B3GALNT1: variants seen among roughly 807,000 people sequenced by gnomAD.
B3GALNT1 encodes UDP-GalNAc:beta-1,3-N-acetylgalactosaminyltransferase 1.
B3GALNT1 carries 17 observed loss-of-function variants against 27.3 expected under a neutral mutation model. The observed-to-expected ratio is 0.62, with a 90% CI of 0.43 to 0.94. The LOEUF is 0.94. Among genes scored for constraint, B3GALNT1 ranks in the 40% least tolerant of loss-of-function variants. The probability of loss-of-function intolerance (pLI) is 0.00; values close to 1 mark genes in which losing one functional copy is unlikely to be tolerated. For missense variants in B3GALNT1, 347 were observed against 390.0 expected, an observed-to-expected ratio of 0.89 and a Z score of 0.93; for synonymous variants, 141 against 144.0, an observed-to-expected ratio of 0.98 and a Z score of 0.15.
Position 161,104,359 on chromosome 3 carries a change from C to T in B3GALNT1, c.-261G>A, listed in dbSNP as rs1477936584. 12 of 1,289,674 alleles carry T rather than the reference C, an allele frequency of 9.3e-6. No homozygotes were observed. Among genetic ancestry groups the T allele is most frequent in the Non-Finnish European group, 1.2e-5 (12 of 988,840 alleles). The allele number at this position is 1,289,674 out of a possible 1,614,324, so 79.9% of individuals were successfully genotyped here. A position where few individuals can be genotyped will look rare whatever the true frequency, so the allele number is the denominator to read the frequency against. ...AAAAGACATGGTTTGGCAATTTCTT[C>T]CTTGATAGCTTTTCCCACAACGCAG... On this transcript the variant is annotated 5_prime_UTR_variant, in exon 2 of 5. Transcript: ENST00000320474.
intron 4 of B3GALNT1, 79 bp from the exon 5 acceptor site, chr3:161,086,867 G>C (rs564201916): frequency 9.0e-5 from 128 of 1,415,258 alleles, no homozygotes; most frequent in Non-Finnish European, 1.2e-4. Context: ...ATCTACTCAA[G>C]GAGAAAGAGT....
chr3:161,104,314 C>T lies in B3GALNT1; in HGVS notation c.-221+5G>A. Reference sequence around the variant, plus strand: ...TTGAACACTGCAAACCCAAATTTTCCTTACCTCTGAAAACAGAAAAAAAGA... The same window carrying T: ...TTGAACACTGCAAACCCAAATTTTCTTTACCTCTGAAAACAGAAAAAAAGA... On this transcript the variant is annotated splice_donor_5th_base_variant and intron_variant, in intron 2 of 4. Coordinates refer to ENST00000320474, the MANE Select transcript of B3GALNT1 (RefSeq NM_003781.4). The T allele has an allele frequency of 7.8e-7, 1 of 1,289,602 alleles. No homozygotes were observed. The highest frequency in any genetic ancestry group is 1.0e-6 in the Non-Finnish European group (1 of 988,792). 79.9% of individuals were successfully genotyped at this position (1,289,602 alleles called of 1,614,324 possible).
intron 4 of B3GALNT1, among the ~76,000 whole-genome samples, chr3:161,091,186 T>C (rs778460680): frequency 6.6e-6 from 1 of 151,970 alleles, no homozygotes; most frequent in Non-Finnish European, 1.5e-5. Flanking sequence ...GAAGGATGGT[T>C]TGGGTGTGGG....
At chr3:161,103,143 T>C (rs1302422636) in intron 3 of B3GALNT1, 1 of 175,238 alleles carries the variant, frequency 5.7e-6, no homozygotes, top group African/African-American at 2.4e-5. Context: ...CAGGCTTAGG[T>C]AGGAGGATCA....
chr3:161,101,046 C>T (rs2108452087), intron 4 of B3GALNT1, 93 bp downstream of exon 4: 1 of 953,884 alleles, frequency 1.0e-6, no homozygotes, highest in Non-Finnish European at 1.5e-6. Flanking sequence ...TGCCAGGGCA[C>T]AGTGCCCCAG....
At chr3:161,092,446 T>A (rs988865108) in intron 4 of B3GALNT1, among the ~76,000 whole-genome samples, 2 of 152,140 alleles carry the variant, frequency 1.3e-5, no homozygotes, top group Non-Finnish European at 1.5e-5. Flanking sequence ...ATGATTTTTT[T>A]CTAATGGGAC....
In B3GALNT1 at chr3:161,086,545, A is replaced by C. The variant is rs367974284; in HGVS notation, c.210T>G (p.His70Gln). The stretch of plus-strand genomic sequence containing the variant: ...ATGGATTTTGATGAGAGCAGTTTGA[A>C]TGCTCTCGAAGTGTGAAGTGAAAGT... Reference protein sequence around the residue: ...RQDFHFTLREHSNCSHQNPFL... With the variant: ...RQDFHFTLREQSNCSHQNPFL... Residue 70 changes from histidine to glutamine, a missense_variant, in exon 5 of 5, where the codon CAT becomes CAG. By Grantham distance (24) the His-to-Gln change is conservative. Coordinates refer to ENST00000320474, the MANE Select transcript of B3GALNT1 (RefSeq NM_003781.4). 1 of 1,614,068 alleles carries C rather than the reference A, an allele frequency of 6.2e-7. No individual in the cohort carries two copies. The highest frequency in any genetic ancestry group is 8.5e-7 in the Non-Finnish European group (1 of 1,180,048).
rs1258898660 is a variant in B3GALNT1 at position 161,084,250 on chromosome 3, C to T, written c.*1509G>A. On this transcript the variant is annotated 3_prime_UTR_variant, in exon 5 of 5. Coordinates refer to ENST00000320474, the MANE Select transcript of B3GALNT1 (RefSeq NM_003781.4). ...GATGGAGATTAACAAGGGCATAGAT[C>T]GATTCTATAGAATATTTCATTTAAT... 6.6e-6 allele frequency: 1 copy of T among 152,200 alleles called. No homozygotes were observed. The highest frequency in any genetic ancestry group is 2.1e-4 in the South Asian group (1 of 4,822). The allele number at this position is 152,200 out of a possible 1,614,324, so 9.4% of individuals were successfully genotyped here.
chr3:161,095,140 A>G (rs890333745), intron 4 of B3GALNT1, among the ~76,000 whole-genome samples: 2 of 152,060 alleles, frequency 1.3e-5, no homozygotes, highest in Admixed American at 6.6e-5. Flanking sequence ...CCTGACTCCC[A>G]TTCTTATCCC....
intron 4 of B3GALNT1, among the ~76,000 whole-genome samples, chr3:161,100,288 T>G (rs1390843003): frequency 6.6e-6 from 1 of 152,198 alleles, no homozygotes; most frequent in Non-Finnish European, 1.5e-5. Flanking sequence ...TTACTGAGTT[T>G]AAGAAAAAAG....
chr3:161,086,190 T>C lies in B3GALNT1; in HGVS notation c.565A>G (p.Asn189Asp). Residue 189 changes from asparagine to aspartate, a missense_variant, in exon 5 of 5, where the codon AAT becomes GAT. By Grantham distance (23) the Asn-to-Asp change is conservative. Coordinates refer to ENST00000320474, the MANE Select transcript of B3GALNT1 (RefSeq NM_003781.4). ...TDTDVFINTG[N>D]LVKYLLNLNH... ...AGGTTTAAAAGATACTTCACTAAAT[T>C]GCCAGTATTGATGAAAACATCAGTG... 4 of 1,614,122 alleles carry C rather than the reference T, an allele frequency of 2.5e-6. No homozygotes were observed. The highest frequency in any genetic ancestry group is 3.4e-6 in the Non-Finnish European group (4 of 1,180,004).
At chr3:161,099,651 G>A (rs1730143185) in intron 4 of B3GALNT1, among the ~76,000 whole-genome samples, 1 of 152,150 alleles carries the variant, frequency 6.6e-6, no homozygotes, top group Non-Finnish European at 1.5e-5. Context: ...GCACCATCTG[G>A]CCCTACCAGC....
chr3:161,103,829 G>A (rs1212906249), intron 2 of B3GALNT1: 2 of 183,006 alleles, frequency 1.1e-5, no homozygotes, highest in African/African-American at 2.4e-5. Flanking sequence ...CCGGGTTCGA[G>A]CAATTCTCCT....
At position 161,085,831 on chromosome 3, in the gene B3GALNT1, G is replaced by A. The variant is rs931906105; in HGVS notation, c.924C>T (p.Ala308=). 7 of 1,614,120 alleles carry A rather than the reference G, an allele frequency of 4.3e-6. No homozygotes were observed. The Admixed American group carries it at 8.3e-5, about 19-fold the overall frequency. The change falls in exon 5 of 5, where the codon GCC becomes GCT. Residue 308 remains alanine, a synonymous_variant. Coordinates refer to ENST00000320474, the MANE Select transcript of B3GALNT1 (RefSeq NM_003781.4). ...TGATCTCCTTGGAAGAAAAGCCATG[G>A]GCTGCAATCACACGTCTCAGTTGAC... is the stretch of plus-strand genomic sequence containing the variant. The part of the protein sequence containing the change: ...DVCQLRRVIA[A]HGFSSKEIIT...
At position 161,086,161 on chromosome 3, in the gene B3GALNT1, G is replaced by A; in HGVS notation, c.594C>T (p.Asn198=). ...GNLVKYLLNL[N]HSEKFFTGYP... ...AACCTGTGAAAAACTTCTCTGAGTG[G>A]TTTAGGTTTAAAAGATACTTCACTA... The change falls in exon 5 of 5, where the codon AAC becomes AAT. Residue 198 remains asparagine (N), a synonymous_variant. Transcript: ENST00000320474. The A allele has an allele frequency of 1.2e-6, 2 of 1,613,852 alleles. No individual in the cohort carries two copies. Among genetic ancestry groups the A allele is most frequent in the South Asian group, 1.1e-5 (1 of 91,040 alleles).
chr3:161,102,464 G>C (rs186837795), intron 3 of B3GALNT1, among the ~76,000 whole-genome samples: 161 of 152,224 alleles, frequency 1.1e-3, no homozygotes, highest in African/African-American at 3.7e-3. Context: ...CCTACAAACT[G>C]CCGTATTTCT....
chr3:161,103,280 T>G, intron 3 of B3GALNT1, 147 bp downstream of exon 3: 1 of 244,424 alleles, frequency 4.1e-6, no homozygotes, highest in South Asian at 4.6e-5. Flanking sequence ...CTTGAATTTC[T>G]TCAAATCCTC....
Position 161,086,084 on chromosome 3 carries a change from A to G in B3GALNT1, c.671T>C (p.Ile224Thr). The G allele has an allele frequency of 6.3e-7, 1 of 1,599,030 alleles. No homozygotes were observed. The highest frequency in any genetic ancestry group is 2.2e-5 in the East Asian group (1 of 44,792). ...CTTGAAAGGATACTCCTGGTAAGAAATATGGGTTTTTTGGTAAAATCCTCT... is the reference window on the plus strand; with the variant it reads ...CTTGAAAGGATACTCCTGGTAAGAAGTATGGGTTTTTTGGTAAAATCCTCT... ...SYRGFYQKTH[I>T]SYQEYPFKVF... Residue 224 changes from isoleucine to threonine, a missense_variant, in exon 5 of 5, where the codon ATT (isoleucine) becomes ACT (threonine). Ile to Thr is a moderately conservative substitution (Grantham distance 89). Coordinates refer to ENST00000320474, the MANE Select transcript of B3GALNT1 (RefSeq NM_003781.4).
chr3:161,089,217 C>T (rs970750875), intron 4 of B3GALNT1, among the ~76,000 whole-genome samples: 1 of 152,166 alleles, frequency 6.6e-6, no homozygotes, highest in African/African-American at 2.4e-5. Flanking sequence ...ATAATATATG[C>T]AAAACTTCTG....
Sources: gnomAD v4.1 joint callset for allele counts (sites outside exome capture counted in the v4.1 genomes callset) on GRCh38, gnomAD v4.1.1 for gene constraint, MANE v1.5 for transcripts, NCBI Gene and HGNC (gene_info 2026-07-23, HGNC 2026-07-21) for gene names.